KDM3B: variants seen among roughly 807,000 people sequenced by gnomAD.
KDM3B encodes lysine-specific demethylase 3B.
A neutral mutation model predicts 170.0 loss-of-function variants in KDM3B; 10 were observed. The ratio of observed to expected loss-of-function variants is 0.06; its 90% CI spans 0.04 to 0.10. The LOEUF (loss-of-function observed/expected upper bound fraction) is 0.10, where lower values mean the gene tolerates loss of function less well. Ranked by LOEUF, KDM3B falls within the 10% of genes least tolerant of loss-of-function variation. The pLI is 1.00. For missense variants in KDM3B, 1,394 were observed against 2,195.2 expected (o/e 0.64, Z 7.29); for synonymous variants, 831 against 834.8 (o/e 1.00, Z 0.08).
chr5:138,377,634 C>A, intron 3 of KDM3B, 86 bp from the exon 4 acceptor site: 1 of 910,870 alleles, frequency 1.1e-6, no homozygotes, highest in Non-Finnish European at 1.8e-6. Context: ...TGATATACAG[C>A]TCCTTAGGAT....
At chr5:138,369,186 G>A (rs1204159519) in intron 1 of KDM3B, among the ~76,000 whole-genome samples, 1 of 152,148 alleles carries the variant, frequency 6.6e-6, no homozygotes, top group Non-Finnish European at 1.5e-5. Flanking sequence ...GTCAGATCCA[G>A]TCTGGGCATT....
chr5:138,374,823 C>T (rs1761956122), intron 2 of KDM3B, among the ~76,000 whole-genome samples: 1 of 152,136 alleles, frequency 6.6e-6, no homozygotes, highest in South Asian at 2.1e-4. Context: ...TTAGCCTGAT[C>T]CCTAGGCAGA....
intron 8 of KDM3B, 80 bp from the exon 9 acceptor site, chr5:138,393,091 T>C (rs1360593201): frequency 3.7e-6 from 5 of 1,342,586 alleles, no homozygotes; most frequent in Non-Finnish European, 5.3e-6. Flanking sequence ...TCAGAACAAA[T>C]GTCTGTCCCC....
At chr5:138,380,287 A>T (rs1352203693) in intron 5 of KDM3B, among the ~76,000 whole-genome samples, 2 of 150,014 alleles carry the variant, frequency 1.3e-5, no homozygotes, top group Non-Finnish European at 3.0e-5. Flanking sequence ...GCACCCGGCC[A>T]GAATATTATT....
In KDM3B at chr5:138,418,870, A is replaced by AT. The variant is rs555166974; in HGVS notation, c.3436-80dup. 3.6e-4 allele frequency: 455 copies of AT among 1,279,746 alleles called. 3 individuals carry two copies. In the African/African-American group the frequency reaches 6.2e-3, roughly 17 times the overall value. The allele number at this position is 1,279,746 out of a possible 1,614,324, so 79.3% of individuals were successfully genotyped here. A position where few individuals can be genotyped will look rare whatever the true frequency, so the allele number is the denominator to read the frequency against. ...ATGACAGATTATTCTTCCCAGACCT[A>AT]TTTAGTATGTGAAGCCATTACTAGT... On this transcript the variant is annotated intron_variant, in intron 13 of 23. Transcript: ENST00000314358.
chr5:138,425,790 G>A, intron 17 of KDM3B: 1 of 435,218 alleles, frequency 2.3e-6, no homozygotes, highest in Non-Finnish European at 4.1e-6. Flanking sequence ...TGGATCACTT[G>A]GGGTCAGGAG....
intron 7 of KDM3B, among the ~76,000 whole-genome samples, chr5:138,389,696 T>C (rs1012431997): frequency 6.6e-6 from 1 of 152,034 alleles, no homozygotes; most frequent in Non-Finnish European, 1.5e-5. Flanking sequence ...GCAAGTCAAG[T>C]ACTAGGATCT....
chr5:138,390,870 A>G, intron 7 of KDM3B, 143 bp from the exon 8 acceptor site: 1 of 719,250 alleles, frequency 1.4e-6, no homozygotes, highest in South Asian at 2.3e-5. Flanking sequence ...CTCCAGTTAC[A>G]AGAGCAGATC....
intron 9 of KDM3B, among the ~76,000 whole-genome samples, chr5:138,394,264 C>T (rs891909982): frequency 3.3e-5 from 5 of 152,140 alleles, no homozygotes; most frequent in African/African-American, 1.2e-4. Context: ...ATTCCAGCTA[C>T]TCAGGAGGCT....
At chr5:138,425,916 C>G in intron 17 of KDM3B, 1 of 172,248 alleles carries the variant, frequency 5.8e-6, no homozygotes, top group South Asian at 1.4e-4. Flanking sequence ...TGAGGCAGGA[C>G]AGTCACTTGA....
intron 11 of KDM3B, among the ~76,000 whole-genome samples, chr5:138,401,223 A>T (rs1470668150): frequency 6.6e-6 from 1 of 150,602 alleles, no homozygotes; most frequent in Non-Finnish European, 1.5e-5. Flanking sequence ...GTGAGCTGAG[A>T]TCACGCCACT....
At chr5:138,431,875 GCA>G (rs1763540554) in intron 23 of KDM3B, among the ~76,000 whole-genome samples, 1 of 150,944 alleles carries the variant, frequency 6.6e-6, no homozygotes, top group Non-Finnish European at 1.5e-5. Context: ...TCATGCCACT[GCA>G]CTCCAGCCTG....
chr5:138,393,048 A>G (rs1409048715), intron 8 of KDM3B, 123 bp from the exon 9 acceptor site: 2 of 797,816 alleles, frequency 2.5e-6, no homozygotes, highest in African/African-American at 1.7e-5. Context: ...TAATGGGTAC[A>G]TGCCCAAGCA....
chr5:138,411,975 G>A (rs1309113316), intron 11 of KDM3B, among the ~76,000 whole-genome samples: 1 of 150,438 alleles, frequency 6.6e-6, no homozygotes, highest in African/African-American at 2.4e-5. Flanking sequence ...CTCCCAAAGT[G>A]CTGGGATTAC....
chr5:138,367,537 A>G (rs1475953078), intron 1 of KDM3B, among the ~76,000 whole-genome samples: 1 of 152,234 alleles, frequency 6.6e-6, no homozygotes. Flanking sequence ...CCACAAAGAG[A>G]AATGAAAGCA....
chr5:138,386,454 G>C lies in KDM3B; in HGVS notation c.1213G>C (p.Glu405Gln), dbSNP rs140403433. 16 of 1,614,180 alleles carry C rather than the reference G, an allele frequency of 9.9e-6. No homozygotes were observed. Among genetic ancestry groups the C allele is most frequent in the Non-Finnish European group, 1.4e-5 (16 of 1,180,038 alleles). ...AGAGGTGGGTGGAGCCGAAAACAAA[G>C]AGGCAGGAAAAACACTGGAACAAGT... ...APEVGGAENK[E>Q]AGKTLEQVGQ... is the part of the protein sequence containing the mutation. Residue 405 changes from glutamate to glutamine, a missense_variant, in exon 7 of 24, where the codon GAG becomes CAG. Glu to Gln is a conservative substitution (Grantham distance 29). Transcript: ENST00000314358.
At chr5:138,357,418 A>G (rs985229061) in intron 1 of KDM3B, among the ~76,000 whole-genome samples, 1 of 151,600 alleles carries the variant, frequency 6.6e-6, no homozygotes. Flanking sequence ...GCTGGAGTGC[A>G]ATGACACAGT....
chr5:138,420,619 C>T, intron 14 of KDM3B, 87 bp from the exon 15 acceptor site: 1 of 1,429,570 alleles, frequency 7.0e-7, no homozygotes, highest in Non-Finnish European at 9.7e-7. Context: ...ATCTTTCCTC[C>T]TTCCCATGTG....
intron 2 of KDM3B, among the ~76,000 whole-genome samples, chr5:138,374,857 T>G (rs1036553202): frequency 6.6e-6 from 1 of 152,244 alleles, no homozygotes; most frequent in African/African-American, 2.4e-5. Flanking sequence ...CTGATTCCTC[T>G]TGTCCTTTTT....
Sources: gnomAD v4.1 joint callset for allele counts (sites outside exome capture counted in the v4.1 genomes callset) on GRCh38, gnomAD v4.1.1 for gene constraint, MANE v1.5 for transcripts, NCBI Gene and HGNC (gene_info 2026-07-23, HGNC 2026-07-21) for gene names.